The following ITGB8 variants were observed in gnomAD, a reference collection of about 807,000 sequenced individuals.
The protein encoded by ITGB8 is integrin subunit beta 8.
A neutral mutation model predicts 89.5 loss-of-function variants in ITGB8; 30 were observed. The observed-to-expected ratio is 0.34, with a 90% CI of 0.25 to 0.45. The LOEUF (loss-of-function observed/expected upper bound fraction) is 0.45, where lower values mean the gene tolerates loss of function less well. Ranked by LOEUF, ITGB8 falls within the 20% of genes least tolerant of loss-of-function variation. The probability of loss-of-function intolerance (pLI) is 1.00; values close to 1 mark genes in which losing one functional copy is unlikely to be tolerated. For missense variants in ITGB8, 836 were observed against 933.3 expected (o/e 0.90, Z 1.36); for synonymous variants, 335 against 320.4 (o/e 1.05, Z -0.49).
chr7:20,342,178 G>A (rs1025147558), intron 1 of ITGB8, among the ~76,000 whole-genome samples: 1 of 152,176 alleles, frequency 6.6e-6, no homozygotes, highest in Non-Finnish European at 1.5e-5. Context: ...AGCTCCAGAG[G>A]ACGTAAGAAT....
intron 1 of ITGB8, among the ~76,000 whole-genome samples, chr7:20,347,454 G>A (rs1784966219): frequency 6.6e-6 from 1 of 152,130 alleles, no homozygotes; most frequent in Non-Finnish European, 1.5e-5. Context: ...CCTCAACTAG[G>A]ATGGATCCAT....
chr7:20,403,774 A>C (rs1044452155), intron 10 of ITGB8, among the ~76,000 whole-genome samples: 7 of 75,218 alleles, frequency 9.3e-5, no homozygotes, highest in African/African-American at 4.3e-4. Flanking sequence ...GAGGGAAGGA[A>C]GGAGGAAGGA....
intron 3 of ITGB8, among the ~76,000 whole-genome samples, chr7:20,374,516 A>G (rs530986832): frequency 6.6e-6 from 1 of 151,190 alleles, no homozygotes; most frequent in East Asian, 1.9e-4. Flanking sequence ...AAAGATGTCC[A>G]GTCTAGAGTC....
chr7:20,392,117 A>G (rs982589046), intron 7 of ITGB8, among the ~76,000 whole-genome samples: 1 of 152,162 alleles, frequency 6.6e-6, no homozygotes, highest in Non-Finnish European at 1.5e-5. Context: ...ACCCCCCAGC[A>G]TAGAACTGTT....
intron 6 of ITGB8, among the ~76,000 whole-genome samples, chr7:20,388,935 A>C (rs1247126318): frequency 6.6e-6 from 1 of 152,128 alleles, no homozygotes; most frequent in Non-Finnish European, 1.5e-5. Flanking sequence ...GATGGTTTCC[A>C]GCTTTATCCA....
rs537382606 is a variant in ITGB8 at position 20,360,285 on chromosome 7, T to C, written c.128-3352T>C. Among the ~76,000 whole-genome samples, 20 of 151,814 alleles carry C rather than the reference T, an allele frequency of 1.3e-4. 1 individual carries two copies. The East Asian group carries it at 3.7e-3, about 28-fold the overall frequency. On this transcript the variant is annotated intron_variant, in intron 1 of 13. Coordinates refer to ENST00000222573, the MANE Select transcript of ITGB8 (RefSeq NM_002214.3). ...AACTTAGAACAGAGTCAGACAATTGTTAGAAACAAAGACTGGAGTCCTAGA... is the reference window on the plus strand; with the variant it reads ...AACTTAGAACAGAGTCAGACAATTGCTAGAAACAAAGACTGGAGTCCTAGA...
In ITGB8 at chr7:20,331,251, C is replaced by T. The variant is rs926941130; in HGVS notation, c.-556C>T. On this transcript the variant is annotated 5_prime_UTR_variant, in exon 1 of 14. Coordinates refer to ENST00000222573, the MANE Select transcript of ITGB8 (RefSeq NM_002214.3). ...AAGCTGCAACTAATGGTGTTGGCCT[C>T]CCTGCCCACCTGTGGAAGCAACTGC... The T allele has an allele frequency of 3.5e-6, 1 of 284,116 alleles. No individual in the cohort carries two copies. The allele number at this position is 284,116 out of a possible 1,614,324, so 17.6% of individuals were successfully genotyped here.
intron 11 of ITGB8, 116 bp downstream of exon 11, chr7:20,404,969 G>C: frequency 1.2e-6 from 1 of 843,858 alleles, no homozygotes; most frequent in Non-Finnish European, 1.9e-6. Context: ...TGCTAAAAAA[G>C]AATTAAATGA....
rs556013332 is a variant in ITGB8 at position 20,409,259 on chromosome 7, A to C, written c.2024-356A>C. ...TTTAGTGATCAACAGTACGTACCAC[A>C]AAAACTAGTCCTCTTTCTGTCTTGG... On this transcript the variant is annotated intron_variant, in intron 12 of 13. Transcript: ENST00000222573. Among the ~76,000 whole-genome samples, 3 of 152,374 alleles carry C rather than the reference A, an allele frequency of 2.0e-5. No individual in the cohort carries two copies. The South Asian group carries it at 6.2e-4, about 32-fold the overall frequency.
Position 20,345,212 on chromosome 7 carries a change from T to C in ITGB8, c.127+13279T>C, listed in dbSNP as rs148151595. ...AATGATATATAACTTTCTAGGAGGA[T>C]ATTGACATTGTAATCCAATAAATTC... On this transcript the variant is annotated intron_variant, in intron 1 of 13. Coordinates refer to ENST00000222573, the MANE Select transcript of ITGB8 (RefSeq NM_002214.3). Among the ~76,000 whole-genome samples the C allele has an allele frequency of 1.6e-3, 239 of 152,318 alleles. 2 individuals are homozygous for C. Among genetic ancestry groups the C allele is most frequent in the African/African-American group, 5.2e-3 (215 of 41,570 alleles).
In ITGB8 at chr7:20,409,661, C is replaced by T. The variant is rs774846366; in HGVS notation, c.2070C>T (p.Phe690=). The change falls in exon 13 of 14, where the codon TTC becomes TTT. Residue 690 remains phenylalanine (F), a synonymous_variant. Coordinates refer to ENST00000222573, the MANE Select transcript of ITGB8 (RefSeq NM_002214.3). ...PSYLRIFFII[F]IVTFLIGLLK... ...ACTTGAGAATATTTTTCATCATTTT[C>T]ATAGTTACATTCTTGATTGGGTTGC... 1 of 1,610,528 alleles carries T rather than the reference C, an allele frequency of 6.2e-7. No individual in the cohort carries two copies. Among genetic ancestry groups the T allele is most frequent in the Non-Finnish European group, 8.5e-7 (1 of 1,178,396 alleles).
intron 1 of ITGB8, among the ~76,000 whole-genome samples, chr7:20,345,889 C>CA (rs1784906930): frequency 6.6e-6 from 1 of 151,944 alleles, no homozygotes; most frequent in Non-Finnish European, 1.5e-5. Context: ...TCTTGTATTG[C>CA]AAAGATGATG....
Position 20,411,440 on chromosome 7 carries a change from C to G in ITGB8, c.*1443C>G, listed in dbSNP as rs1787759147. The G allele has an allele frequency of 6.6e-6, 1 of 152,478 alleles. No individual in the cohort carries two copies. The highest frequency in any genetic ancestry group is 6.5e-5 in the Admixed American group (1 of 15,270). The allele number at this position is 152,478 out of a possible 1,614,324, so 9.4% of individuals were successfully genotyped here. On this transcript the variant is annotated 3_prime_UTR_variant, in exon 14 of 14. Transcript: ENST00000222573. ...AGAGTGTTGGGATTACAGGCATGAG[C>G]CACCATGCCAGGCTGCTAATTCTCC...
In ITGB8 at chr7:20,367,019, T is replaced by C. The variant is rs1785725800; in HGVS notation, c.221T>C (p.Ile74Thr). ...ECGWCVQEDF[I>T]SGGSRSERCD... ...TTTCTTTCTTTTAAACAGGATTTCA[T>C]TTCAGGTGGATCAAGAAGTGAACGT... The change falls in exon 3 of 14, where the codon ATT becomes ACT. Residue 74 changes from isoleucine to threonine, a missense_variant. Physicochemically the swap from Ile to Thr is moderately conservative, Grantham distance 89. Coordinates refer to ENST00000222573, the MANE Select transcript of ITGB8 (RefSeq NM_002214.3). The C allele has an allele frequency of 1.7e-5, 28 of 1,606,222 alleles. No homozygotes were observed. Among genetic ancestry groups the C allele is most frequent in the Non-Finnish European group, 2.4e-5 (28 of 1,177,250 alleles).
intron 6 of ITGB8, among the ~76,000 whole-genome samples, chr7:20,385,115 T>A (rs1786554489): frequency 6.6e-6 from 1 of 152,230 alleles, no homozygotes; most frequent in African/African-American, 2.4e-5. Flanking sequence ...GGGTTATTTC[T>A]ACCCTTAGTC....
chr7:20,374,318 T>C (rs1490685447), intron 3 of ITGB8, among the ~76,000 whole-genome samples: 2 of 152,194 alleles, frequency 1.3e-5, no homozygotes, highest in Middle Eastern at 3.2e-3. Flanking sequence ...TGGGGGACTA[T>C]GTATGTGCCA....
chr7:20,334,272 CAATA>C (rs1292639025), intron 1 of ITGB8, among the ~76,000 whole-genome samples: 28 of 151,956 alleles, frequency 1.8e-4, no homozygotes, highest in Non-Finnish European at 3.4e-4. Flanking sequence ...GTAAAATGGT[CAATA>C]AATAACCAGA....
intron 1 of ITGB8, among the ~76,000 whole-genome samples, chr7:20,355,773 C>T (rs375907699): frequency 2.0e-5 from 3 of 152,318 alleles, no homozygotes; most frequent in East Asian, 1.9e-4. Context: ...GGCTGGGCGA[C>T]ACTGCAAGAG....
chr7:20,395,977 C>G (rs1261908286), intron 8 of ITGB8, among the ~76,000 whole-genome samples: 2 of 152,188 alleles, frequency 1.3e-5, no homozygotes, highest in East Asian at 3.8e-4. Flanking sequence ...TATAGAGTCT[C>G]TTTCCCAAAT....
Sources: gnomAD v4.1 joint callset for allele counts (sites outside exome capture counted in the v4.1 genomes callset) on GRCh38, gnomAD v4.1.1 for gene constraint, MANE v1.5 for transcripts, NCBI Gene and HGNC (gene_info 2026-07-23, HGNC 2026-07-21) for gene names.